TMPRSS15: variants seen among roughly 807,000 people sequenced by gnomAD.
TMPRSS15 encodes the protein transmembrane serine protease 15, also known as enteropeptidase.
In TMPRSS15, 128 loss-of-function variants were observed where a neutral mutation model predicts 125.3. The ratio of observed to expected loss-of-function variants is 1.02; its 90% CI spans 0.89 to 1.18. The LOEUF is 1.18. Among genes scored for constraint, TMPRSS15 ranks in the 50% most tolerant of loss-of-function variants. TMPRSS15 has a pLI of 0.00. For synonymous variants in TMPRSS15, 446 were observed against 423.2 expected (o/e 1.05, Z -0.66); for missense variants, 1,283 against 1,212.7 (o/e 1.06, Z -0.86).
chr21:18,284,192 C>A (rs530789645), intron 21 of TMPRSS15, among the ~76,000 whole-genome samples: 2 of 152,176 alleles, frequency 1.3e-5, no homozygotes, highest in Admixed American at 6.5e-5. Flanking sequence ...AAAGGCTGCT[C>A]CACAAACCTT....
chr21:18,322,922 A>C (rs996249089), intron 16 of TMPRSS15, among the ~76,000 whole-genome samples: 1 of 152,200 alleles, frequency 6.6e-6, no homozygotes, highest in Non-Finnish European at 1.5e-5. Context: ...TGAAGTGAAG[A>C]ATATTTCGGT....
chr21:18,281,217 T>C lies in TMPRSS15; in HGVS notation c.2491A>G (p.Asn831Asp), dbSNP rs2074694875. 1 of 1,613,916 alleles carries C rather than the reference T, an allele frequency of 6.2e-7. No individual in the cohort carries two copies. The highest frequency in any genetic ancestry group is 2.2e-5 in the East Asian group (1 of 44,862). Residue 831 changes from asparagine to aspartate, a missense_variant, in exon 22 of 25, where the codon AAC becomes GAC. Physicochemically the swap from Asn to Asp is conservative, Grantham distance 23 (BLOSUM62 1). Transcript: ENST00000284885. ...GCTGTCCACTTGGATGGCTCTAAGT[T>C]TCTCCTGAAAATTGTAATGAAGAAA... ...VSAAHCVYGR[N>D]LEPSKWTAIL...
chr21:18,284,013 T>A (rs2074733936), intron 21 of TMPRSS15, among the ~76,000 whole-genome samples: 2 of 152,190 alleles, frequency 1.3e-5, no homozygotes, highest in African/African-American at 4.8e-5. Context: ...TTAATACAAT[T>A]TACAACAATA....
chr21:18,452,271 A>G (rs2123258199), intron 1 of TMPRSS15, among the ~76,000 whole-genome samples: 1 of 152,316 alleles, frequency 6.6e-6, no homozygotes, highest in South Asian at 2.1e-4. Context: ...TTAGCACCAC[A>G]AAGGTTTAAG....
chr21:18,382,309 C>G (rs527584207), intron 4 of TMPRSS15, among the ~76,000 whole-genome samples: 4 of 152,116 alleles, frequency 2.6e-5, no homozygotes, highest in Admixed American at 2.0e-4. Context: ...TAGTTTTCAG[C>G]TCATCTGAAT....
rs748877066 is a variant in TMPRSS15 at position 18,398,202 on chromosome 21, T to C, written c.273A>G (p.Gln91=). 3 of 1,613,722 alleles carry C rather than the reference T, an allele frequency of 1.9e-6. No homozygotes were observed. The African/African-American group carries it at 4.0e-5, about 22-fold the overall frequency. The part of the protein sequence containing the change: ...DFKVLAFDLQ[Q]MIDEIFLSSN... ...AAACCAGCTGTCAGTCTCCTACCAT[T>C]TGCTGAAGGTCAAAAGCAAGAACTT... The change falls in exon 2 of 25, where the codon CAA becomes CAG. Residue 91 remains glutamine (Q), a synonymous_variant. Transcript: ENST00000284885.
chr21:18,310,865 C>T (rs971993130), intron 18 of TMPRSS15, among the ~76,000 whole-genome samples: 1 of 150,304 alleles, frequency 6.7e-6, no homozygotes, highest in African/African-American at 2.4e-5. Flanking sequence ...GGACAACAGA[C>T]CAATGGAACA....
intron 16 of TMPRSS15, among the ~76,000 whole-genome samples, chr21:18,322,363 C>T (rs1435237502): frequency 2.6e-5 from 4 of 152,064 alleles, no homozygotes; most frequent in Non-Finnish European, 5.9e-5. Flanking sequence ...AATTCAGGAG[C>T]CCCTCTGCTG....
Position 18,359,789 on chromosome 21 carries a change from T to C in TMPRSS15, c.848A>G (p.Tyr283Cys). The C allele has an allele frequency of 6.7e-7, 1 of 1,487,092 alleles. No individual in the cohort carries two copies. The highest frequency in any genetic ancestry group is 9.4e-7 in the Non-Finnish European group (1 of 1,067,316). The allele number at this position is 1,487,092 out of a possible 1,614,324, so 92.1% of individuals were successfully genotyped here. ...NTYYTDILDI[Y>C]EGVGSSKILR... The stretch of plus-strand genomic sequence containing the variant: ...AATCTTGCTTGATCCTACACCTTCA[T>C]AAATATCTAATATATCTGTATAATA... The change falls in exon 8 of 25, where the codon TAT becomes TGT. Residue 283 changes from tyrosine (Y) to cysteine (C), a missense_variant. Physicochemically the swap from Tyr to Cys is radical, Grantham distance 194 (BLOSUM62 -2). Transcript: ENST00000284885.
intron 21 of TMPRSS15, among the ~76,000 whole-genome samples, chr21:18,286,395 T>G (rs2074765415): frequency 6.6e-6 from 1 of 152,208 alleles, no homozygotes; most frequent in South Asian, 2.1e-4. Context: ...TAGATTTGTA[T>G]GTCCATAGGC....
intron 3 of TMPRSS15, among the ~76,000 whole-genome samples, chr21:18,387,636 C>T (rs1397812180): frequency 6.6e-6 from 1 of 151,310 alleles, no homozygotes; most frequent in Non-Finnish European, 1.5e-5. Flanking sequence ...CACACACACA[C>T]ACACACACAC....
At chr21:18,301,295 C>A (rs2074969615) in intron 18 of TMPRSS15, among the ~76,000 whole-genome samples, 3 of 152,144 alleles carry the variant, frequency 2.0e-5, no homozygotes. Flanking sequence ...TCTGACTAAA[C>A]ACAATTTATT....
At chr21:18,355,308 C>G (rs982257615) in intron 8 of TMPRSS15, among the ~76,000 whole-genome samples, 1 of 151,730 alleles carries the variant, frequency 6.6e-6, no homozygotes, top group Non-Finnish European at 1.5e-5. Flanking sequence ...GTTGGTGGTT[C>G]AACCACACCC....
At chr21:18,427,038 A>T (rs1270078046) in intron 1 of TMPRSS15, among the ~76,000 whole-genome samples, 2 of 152,152 alleles carry the variant, frequency 1.3e-5, no homozygotes, top group African/African-American at 4.8e-5. Flanking sequence ...CATGTTATTG[A>T]TGTTATTAGA....
intron 14 of TMPRSS15, among the ~76,000 whole-genome samples, chr21:18,330,107 A>G (rs2075330215): frequency 6.6e-6 from 1 of 152,154 alleles, no homozygotes; most frequent in African/African-American, 2.4e-5. Flanking sequence ...TCATCCACTC[A>G]TAGTTCTCTA....
At chr21:18,377,833 T>C (rs780832174) in intron 5 of TMPRSS15, among the ~76,000 whole-genome samples, 1 of 152,138 alleles carries the variant, frequency 6.6e-6, no homozygotes, top group Admixed American at 6.6e-5. Flanking sequence ...CCATGCTCTC[T>C]GACCCCTCAT....
At chr21:18,276,220 G>A (rs2074618127) in intron 23 of TMPRSS15, among the ~76,000 whole-genome samples, 1 of 152,176 alleles carries the variant, frequency 6.6e-6, no homozygotes, top group African/African-American at 2.4e-5. Context: ...GCACGTGTGT[G>A]TGTAGTTAAA....
At chr21:18,362,239 C>G (rs776218168) in intron 7 of TMPRSS15, among the ~76,000 whole-genome samples, 1 of 152,010 alleles carries the variant, frequency 6.6e-6, no homozygotes, top group Non-Finnish European at 1.5e-5. Flanking sequence ...GCTGGTGAGA[C>G]CTTTAGAGAA....
intron 1 of TMPRSS15, among the ~76,000 whole-genome samples, chr21:18,471,060 T>C (rs1362415423): frequency 6.6e-6 from 1 of 152,024 alleles, no homozygotes; most frequent in Non-Finnish European, 1.5e-5. Context: ...GAAACACCAT[T>C]TTATACTGTG....
Sources: gnomAD v4.1 joint callset for allele counts (sites outside exome capture counted in the v4.1 genomes callset) on GRCh38, gnomAD v4.1.1 for gene constraint, MANE v1.5 for transcripts, NCBI Gene and HGNC (gene_info 2026-07-23, HGNC 2026-07-21) for gene names.